LRP2: variants seen among roughly 807,000 people sequenced by gnomAD.
LRP2 encodes low-density lipoprotein receptor-related protein 2.
In LRP2, 172 loss-of-function variants were observed where a neutral mutation model predicts 531.0. The ratio of observed to expected loss-of-function variants is 0.32; its 90% CI spans 0.29 to 0.37. The LOEUF (loss-of-function observed/expected upper bound fraction) is 0.37. Ranked by LOEUF, LRP2 falls within the 10% of genes least tolerant of loss-of-function variation. LRP2 has a pLI of 1.00. For missense variants in LRP2, 5,167 were observed against 5,868.3 expected (o/e 0.88, Z 3.90); for synonymous variants, 1,992 against 2,027.6 (o/e 0.98, Z 0.47).
At chr2:169,211,933 GAAGTCAAATCTT>G in intron 37 of LRP2, 23 bp downstream of exon 37, 1 of 1,613,384 alleles carries the variant, frequency 6.2e-7, no homozygotes, top group Non-Finnish European at 8.5e-7. Context: ...GGTGCCAGAT[GAAGTCAAATCTT>G]ACTTATATTG....
chr2:169,297,172 A>G (rs1684153585), intron 4 of LRP2, among the ~76,000 whole-genome samples: 1 of 152,204 alleles, frequency 6.6e-6, no homozygotes, highest in Non-Finnish European at 1.5e-5. Flanking sequence ...GTCAACACTG[A>G]GCAAAGAAAG....
chr2:169,240,873 A>G, intron 25 of LRP2, 115 bp downstream of exon 25: 1 of 1,239,128 alleles, frequency 8.1e-7, no homozygotes, highest in South Asian at 1.2e-5. Context: ...GTGAACTCAT[A>G]GAGGAACTGA....
Position 169,137,496 on chromosome 2 carries a change from G to C in LRP2, c.13519-3C>G. 1 of 1,541,498 alleles carries C rather than the reference G, an allele frequency of 6.5e-7. No homozygotes were observed. Among genetic ancestry groups the C allele is most frequent in the Non-Finnish European group, 9.0e-7 (1 of 1,114,412 alleles). On this transcript the variant is annotated splice_polypyrimidine_tract_variant and splice_region_variant and intron_variant, in intron 75 of 78. Coordinates refer to ENST00000649046, the MANE Select transcript of LRP2 (RefSeq NM_004525.3). ...ATTTCCATGACAAAGTCTTCACTCTGATGGCAGAGACAGAAAGAGAGAGAG... is the reference window on the plus strand; with the variant it reads ...ATTTCCATGACAAAGTCTTCACTCTCATGGCAGAGACAGAAAGAGAGAGAG...
chr2:169,187,810 T>C (rs1208670353), intron 49 of LRP2, among the ~76,000 whole-genome samples, 160 bp downstream of exon 49: 3 of 152,240 alleles, frequency 2.0e-5, no homozygotes, highest in African/African-American at 7.2e-5. Context: ...CCCCATCTTA[T>C]ATACCAAGAA....
intron 77 of LRP2, among the ~76,000 whole-genome samples, chr2:169,130,683 G>A (rs2105324933): frequency 6.6e-6 from 1 of 152,310 alleles, no homozygotes; most frequent in East Asian, 1.9e-4. Context: ...TCTCACCCAA[G>A]CGCCTCTACT....
chr2:169,248,364 A>C (rs1424180723), intron 19 of LRP2, among the ~76,000 whole-genome samples: 1 of 152,174 alleles, frequency 6.6e-6, no homozygotes, highest in Non-Finnish European at 1.5e-5. Flanking sequence ...TATTTGACCA[A>C]TTTCCTTATC....
At chr2:169,186,133 A>C in intron 49 of LRP2, 114 bp from the exon 50 acceptor site, 6 of 938,758 alleles carry the variant, frequency 6.4e-6, no homozygotes, top group Non-Finnish European at 9.9e-6. Context: ...AATCATGCTA[A>C]GACAGACAAC....
At chr2:169,348,782 T>A (rs1277558729) in intron 1 of LRP2, among the ~76,000 whole-genome samples, 1 of 152,054 alleles carries the variant, frequency 6.6e-6, no homozygotes, top group African/African-American at 2.4e-5. Context: ...TCAAATGCAT[T>A]GGGAATCACC....
Position 169,320,879 on chromosome 2 carries a change from C to T in LRP2, c.85G>A (p.Asp29Asn). Reference protein sequence around the residue: ...CLAPASGQECDSAHFRCGSGH... With the variant: ...CLAPASGQECNSAHFRCGSGH... ...CTTCCACAGCGAAAATGCGCACTGT[C>T]ACATTCTGCAATAATAGACAGAAAT... The change falls in exon 2 of 79, where the codon GAC (aspartate) becomes AAC (asparagine). Residue 29 changes from aspartate (D) to asparagine (N), a missense_variant. Coordinates refer to ENST00000649046, the MANE Select transcript of LRP2 (RefSeq NM_004525.3). The T allele has an allele frequency of 6.2e-7, 1 of 1,610,014 alleles. No homozygotes were observed. Among genetic ancestry groups the T allele is most frequent in the East Asian group, 2.2e-5 (1 of 44,848 alleles).
At chr2:169,154,228 T>A (rs896851568) in intron 66 of LRP2, among the ~76,000 whole-genome samples, 1 of 152,138 alleles carries the variant, frequency 6.6e-6, no homozygotes, top group Admixed American at 6.5e-5. Context: ...TGTGAGATGG[T>A]CCAGAAAGGA....
intron 1 of LRP2, among the ~76,000 whole-genome samples, chr2:169,358,387 T>C (rs1686049316): frequency 6.6e-6 from 1 of 152,124 alleles, no homozygotes; most frequent in African/African-American, 2.4e-5. Context: ...CCAGTTGATA[T>C]CTAAGGTTCC....
intron 3 of LRP2, among the ~76,000 whole-genome samples, chr2:169,318,149 C>A (rs1246004199): frequency 1.3e-5 from 2 of 151,946 alleles, no homozygotes; most frequent in African/African-American, 4.8e-5. Flanking sequence ...CTTTTCCAGT[C>A]TGATTCCAAA....
intron 4 of LRP2, among the ~76,000 whole-genome samples, chr2:169,300,177 T>C (rs1045609931): frequency 6.6e-6 from 1 of 152,024 alleles, no homozygotes; most frequent in Non-Finnish European, 1.5e-5. Flanking sequence ...AAGAATGAAA[T>C]AAAATCCCAT....
chr2:169,165,235 G>T (rs1686741119), intron 62 of LRP2, among the ~76,000 whole-genome samples: 2 of 152,188 alleles, frequency 1.3e-5, no homozygotes, highest in South Asian at 4.1e-4. Flanking sequence ...AATAATTGGA[G>T]TCGGGGAAAT....
intron 38 of LRP2, among the ~76,000 whole-genome samples, chr2:169,208,178 A>G (rs1375755877): frequency 2.0e-5 from 3 of 152,220 alleles, no homozygotes; most frequent in Non-Finnish European, 4.4e-5. Flanking sequence ...CCACTGTAAC[A>G]TGAAAGCAGC....
chr2:169,180,032 A>G (rs1188366318), intron 52 of LRP2, among the ~76,000 whole-genome samples: 1 of 152,208 alleles, frequency 6.6e-6, no homozygotes, highest in Non-Finnish European at 1.5e-5. Flanking sequence ...TTTATCAAAA[A>G]GTGAACAGAA....
intron 24 of LRP2, among the ~76,000 whole-genome samples, chr2:169,241,961 T>C (rs1302749003): frequency 1.3e-5 from 2 of 152,184 alleles, no homozygotes; most frequent in African/African-American, 2.4e-5. Flanking sequence ...CAAAACTCTC[T>C]ACCAGGGATC....
At position 169,326,913 on chromosome 2, in the gene LRP2, G is replaced by A. The variant is rs1459586694; in HGVS notation, c.80-6029C>T. Among the ~76,000 whole-genome samples, 544 of 150,884 alleles carry A rather than the reference G, an allele frequency of 3.6e-3. 2 individuals carry two copies. Among genetic ancestry groups the A allele is most frequent in the African/African-American group, 0.013 (524 of 41,012 alleles). On this transcript the variant is annotated intron_variant, in intron 1 of 78. Coordinates refer to ENST00000649046, the MANE Select transcript of LRP2 (RefSeq NM_004525.3). The stretch of plus-strand genomic sequence containing the variant: ...AGTGCCTCTGCCCGGCGGCGACCCC[G>A]TCTGGGAGGTGAGGAGCGTCTCTGC...
chr2:169,229,258 A>G (rs867529073), intron 31 of LRP2, among the ~76,000 whole-genome samples: 1 of 152,152 alleles, frequency 6.6e-6, no homozygotes. Flanking sequence ...TCATCTCTTC[A>G]TTTCTATTTT....
Sources: allele counts gnomAD v4.1 joint callset (sites outside exome capture counted in the v4.1 genomes callset), GRCh38; gene constraint gnomAD v4.1.1; transcripts MANE v1.5; gene names NCBI Gene and HGNC (gene_info 2026-07-23, HGNC 2026-07-21).